Variants in SORCS3 observed in about 807,000 individuals in gnomAD.
SORCS3 encodes VPS10 domain-containing receptor SorCS3.
A neutral mutation model predicts 146.3 loss-of-function variants in SORCS3; 57 were observed. The ratio of observed to expected loss-of-function variants is 0.39; its 90% CI spans 0.31 to 0.49. SORCS3 has a LOEUF of 0.49. SORCS3 is among the 20% of genes least tolerant of loss of function. The pLI, the probability that SORCS3 is intolerant of heterozygous loss-of-function variation, is 0.92. For synonymous variants in SORCS3, 653 were observed against 618.5 expected (o/e 1.06, Z -0.83); for missense variants, 1,341 against 1,575.5 (o/e 0.85, Z 2.52).
intron 2 of SORCS3, among the ~76,000 whole-genome samples, chr10:104,898,560 C>G (rs747206576): frequency 2.6e-5 from 4 of 152,220 alleles, no homozygotes; most frequent in Non-Finnish European, 4.4e-5. Context: ...TAGATATTCA[C>G]TAAACCTGTT....
intron 1 of SORCS3, among the ~76,000 whole-genome samples, chr10:104,716,720 G>T (rs745528115): frequency 5.9e-5 from 9 of 152,180 alleles, no homozygotes; most frequent in Admixed American, 1.3e-4. Flanking sequence ...TTTAAGATCT[G>T]GTTGTCTGCG....
intron 1 of SORCS3, among the ~76,000 whole-genome samples, chr10:104,752,559 A>T (rs933586777): frequency 6.6e-6 from 1 of 152,172 alleles, no homozygotes; most frequent in Non-Finnish European, 1.5e-5. Flanking sequence ...CAGAGGCTGG[A>T]CCACAGATAT....
chr10:105,242,911 A>G (rs2056843904), intron 20 of SORCS3, among the ~76,000 whole-genome samples: 1 of 64,924 alleles, frequency 1.5e-5, no homozygotes, highest in South Asian at 7.7e-4. Flanking sequence ...TAAATTATAT[A>G]TATAATATAT....
chr10:104,780,479 C>T (rs1474848437), intron 1 of SORCS3, among the ~76,000 whole-genome samples: 1 of 152,192 alleles, frequency 6.6e-6, no homozygotes, highest in African/African-American at 2.4e-5. Flanking sequence ...CATATGAGCC[C>T]ACCTGGTCTG....
intron 2 of SORCS3, among the ~76,000 whole-genome samples, chr10:104,862,674 A>C (rs1368223144): frequency 2.0e-5 from 3 of 152,188 alleles, no homozygotes; most frequent in Admixed American, 2.0e-4. Flanking sequence ...TTTTAAATAT[A>C]ATGTGTAAAC....
intron 24 of SORCS3, 69 bp from the exon 25 acceptor site, chr10:105,256,740 CTGCAATGAAT>C (rs1186253355): frequency 9.4e-7 from 1 of 1,062,220 alleles, no homozygotes; most frequent in Non-Finnish European, 1.4e-6. Flanking sequence ...GGCCTCCTTC[CTGCAATGAAT>C]ACTCCCTCCA....
intron 1 of SORCS3, among the ~76,000 whole-genome samples, chr10:104,756,232 T>C (rs2017049032): frequency 6.6e-6 from 1 of 152,164 alleles, no homozygotes; most frequent in African/African-American, 2.4e-5. Context: ...ACCAAGGATT[T>C]ACTTCTCTCC....
intron 9 of SORCS3, among the ~76,000 whole-genome samples, chr10:105,152,057 C>G (rs1327579369): frequency 6.6e-6 from 1 of 152,166 alleles, no homozygotes; most frequent in East Asian, 1.9e-4. Context: ...AACTACATTT[C>G]TTTTTAATTA....
At chr10:105,016,637 CT>C (rs993773184) in intron 4 of SORCS3, among the ~76,000 whole-genome samples, 13 of 151,822 alleles carry the variant, frequency 8.6e-5, no homozygotes, top group African/African-American at 2.7e-4. Flanking sequence ...ATGGTGATGA[CT>C]TTTTTTTGTG....
intron 2 of SORCS3, among the ~76,000 whole-genome samples, chr10:104,883,795 G>A (rs1379359861): frequency 6.6e-6 from 1 of 152,106 alleles, no homozygotes; most frequent in African/African-American, 2.4e-5. Flanking sequence ...CTCTAAGGAG[G>A]CTGGGAGGTA....
intron 5 of SORCS3, among the ~76,000 whole-genome samples, chr10:105,067,073 G>A (rs1487695832): frequency 2.6e-5 from 4 of 152,124 alleles, no homozygotes; most frequent in African/African-American, 7.2e-5. Flanking sequence ...CTCTCTCTTG[G>A]TTCACTATCT....
At chr10:104,872,903 T>G (rs2018533361) in intron 2 of SORCS3, among the ~76,000 whole-genome samples, 1 of 152,254 alleles carries the variant, frequency 6.6e-6, no homozygotes, top group Non-Finnish European at 1.5e-5. Context: ...AGCATCATCA[T>G]TTGCCATGCG....
At chr10:105,054,808 TAG>T (rs1486831078) in intron 5 of SORCS3, among the ~76,000 whole-genome samples, 2 of 152,166 alleles carry the variant, frequency 1.3e-5, no homozygotes, top group African/African-American at 4.8e-5. Flanking sequence ...TATAACACAA[TAG>T]AGTGTCTGGC....
intron 5 of SORCS3, among the ~76,000 whole-genome samples, chr10:105,062,190 C>T (rs971832853): frequency 1.3e-5 from 2 of 152,102 alleles, no homozygotes; most frequent in African/African-American, 2.4e-5. Flanking sequence ...TGATGTCAAG[C>T]AATGTGCTAA....
At chr10:105,005,957 T>G (rs1345821696) in intron 4 of SORCS3, among the ~76,000 whole-genome samples, 1 of 152,232 alleles carries the variant, frequency 6.6e-6, no homozygotes, top group African/African-American at 2.4e-5. Context: ...TCAATTTCTT[T>G]TCTTTAAGAT....
At chr10:104,721,447 C>G (rs2016547010) in intron 1 of SORCS3, among the ~76,000 whole-genome samples, 6 of 152,122 alleles carry the variant, frequency 3.9e-5, no homozygotes, top group Admixed American at 3.9e-4. Flanking sequence ...TTAGGATTGA[C>G]TTGGCAATGC....
chr10:104,836,165 A>G (rs568627491), intron 1 of SORCS3, among the ~76,000 whole-genome samples: 3 of 152,206 alleles, frequency 2.0e-5, no homozygotes, highest in Non-Finnish European at 4.4e-5. Flanking sequence ...AGGGACTGAA[A>G]CTTTAGAGTG....
intron 1 of SORCS3, among the ~76,000 whole-genome samples, chr10:104,726,980 T>G (rs1411114519): frequency 1.3e-5 from 2 of 152,220 alleles, no homozygotes; most frequent in African/African-American, 2.4e-5. Context: ...AATTCCCTGT[T>G]GGGCCTCTGT....
chr10:104,929,886 C>G (rs1018244948), intron 3 of SORCS3, among the ~76,000 whole-genome samples: 3 of 152,092 alleles, frequency 2.0e-5, no homozygotes, highest in African/African-American at 7.2e-5. Context: ...TACACAGACA[C>G]CAGAATATAG....
Sources: gnomAD v4.1 joint callset for allele counts (sites outside exome capture counted in the v4.1 genomes callset) on GRCh38, gnomAD v4.1.1 for gene constraint, MANE v1.5 for transcripts, NCBI Gene and HGNC (gene_info 2026-07-23, HGNC 2026-07-21) for gene names.